Variants in SLC35E4 observed in about 807,000 individuals in gnomAD.
SLC35E4 encodes solute carrier family 35 member E4, also known as solute carrier family 35, member E4.
SLC35E4 carries 15 observed loss-of-function variants against 19.3 expected under a neutral mutation model. The ratio of observed to expected loss-of-function variants is 0.78; its 90% CI spans 0.52 to 1.20. The LOEUF is 1.20. Ranked by LOEUF, SLC35E4 falls within the 50% of genes most tolerant of loss-of-function variation. SLC35E4 has a pLI of 0.00. For missense variants in SLC35E4, 406 were observed against 472.3 expected (o/e 0.86, Z 1.30); for synonymous variants, 219 against 219.9 (o/e 1.00, Z 0.04).
In SLC35E4 at chr22:30,646,899, C is replaced by T. The variant is rs2145582921; in HGVS notation, c.921C>T (p.Leu307=). ...ILSRLLFGSR[L]SALSYVGIAL... ...CCCGGCTGTTGTTTGGCAGCCGCCT[C>T]AGTGCCCTCAGCTACGTGGGCATCG... The change falls in exon 2 of 2, where the codon CTC becomes CTT. Residue 307 remains leucine, a synonymous_variant. Coordinates refer to ENST00000343605, the MANE Select transcript of SLC35E4 (RefSeq NM_001001479.4). 1 of 1,614,252 alleles carries T rather than the reference C, an allele frequency of 6.2e-7. No homozygotes were observed. The highest frequency in any genetic ancestry group is 8.5e-7 in the Non-Finnish European group (1 of 1,180,048).
At chr22:30,666,024 T>C (rs1006152888), downstream of SLC35E4, among the ~76,000 whole-genome samples, 2 of 152,128 alleles carry the variant, frequency 1.3e-5, no homozygotes, top group African/African-American at 4.8e-5. Context: ...TGCCCCAGAC[T>C]CAAATGCATC....
chr22:30,644,721 C>G (rs1230507118), intron 1 of SLC35E4, among the ~76,000 whole-genome samples: 1 of 152,112 alleles, frequency 6.6e-6, no homozygotes, highest in Non-Finnish European at 1.5e-5. Context: ...GGCAAGAGAA[C>G]CAGACCCTGT....
At chr22:30,656,722 G>A (rs2088345345) in intron 2 of SLC35E4, among the ~76,000 whole-genome samples, 1 of 152,164 alleles carries the variant, frequency 6.6e-6, no homozygotes, top group African/African-American at 2.4e-5. Context: ...GGAAAAGGAC[G>A]TGGACCCTCT....
chr22:30,638,533 C>T (rs2087987059), intron 1 of SLC35E4, among the ~76,000 whole-genome samples: 1 of 147,994 alleles, frequency 6.8e-6, no homozygotes, highest in African/African-American at 2.5e-5. Flanking sequence ...AAAATTGGGC[C>T]AGGCGCAGTG....
intron 2 of SLC35E4, among the ~76,000 whole-genome samples, chr22:30,653,440 C>T (rs1359265853): frequency 2.6e-5 from 4 of 151,054 alleles, no homozygotes; most frequent in African/African-American, 9.7e-5. Flanking sequence ...GGTGCGATCT[C>T]GGCTCACTGC....
At chr22:30,650,018 G>A (rs1299293201), downstream of SLC35E4, among the ~76,000 whole-genome samples, 1 of 149,550 alleles carries the variant, frequency 6.7e-6, no homozygotes, top group Admixed American at 6.7e-5. Context: ...GGCACAGAGA[G>A]CGCTGGATTG....
At chr22:30,654,918 C>T (rs757500502) in intron 2 of SLC35E4, 35 of 166,254 alleles carry the variant, frequency 2.1e-4, no homozygotes, top group Non-Finnish European at 4.4e-4. Context: ...TTCCCTGGAA[C>T]CCTGTTTGAA....
chr22:30,637,215 A>C, intron 1 of SLC35E4, 146 bp downstream of exon 1: 1 of 1,243,580 alleles, frequency 8.0e-7, no homozygotes, highest in Non-Finnish European at 1.1e-6. Flanking sequence ...ACTGAGGCTC[A>C]GAGAGGGCCA....
chr22:30,650,067 CA>C, downstream of SLC35E4, among the ~76,000 whole-genome samples: 1 of 149,668 alleles, frequency 6.7e-6, no homozygotes, highest in African/African-American at 2.5e-5. Context: ...TGTGGTGGCT[CA>C]CGCCTGTAAT....
At chr22:30,659,621 C>T (rs557655316) in intron 2 of SLC35E4, among the ~76,000 whole-genome samples, 1 of 152,274 alleles carries the variant, frequency 6.6e-6, no homozygotes, top group African/African-American at 2.4e-5. Context: ...ATCCACCAGC[C>T]TCAACCTCCC....
chr22:30,655,338 TC>T (rs1460003990), intron 2 of SLC35E4, among the ~76,000 whole-genome samples: 1 of 144,806 alleles, frequency 6.9e-6, no homozygotes, highest in East Asian at 2.0e-4. Flanking sequence ...ACGCCTGTAG[TC>T]CCAGCTACTT....
chr22:30,637,088 A>G lies in SLC35E4; in HGVS notation c.619+19A>G. ...CAGCAAAGTAAGTGCCTGGGTGGCCAATTGAGAAGGTGGGGGTCCGGGTGG... is the reference window on the plus strand; with the variant it reads ...CAGCAAAGTAAGTGCCTGGGTGGCCGATTGAGAAGGTGGGGGTCCGGGTGG... On this transcript the variant is annotated intron_variant, in intron 1 of 1. Transcript: ENST00000343605. 1 of 1,543,702 alleles carries G rather than the reference A, an allele frequency of 6.5e-7. No homozygotes were observed. Among genetic ancestry groups the G allele is most frequent in the Non-Finnish European group, 8.8e-7 (1 of 1,141,168 alleles).
intron 1 of SLC35E4, among the ~76,000 whole-genome samples, chr22:30,637,905 G>A (rs544472552): frequency 2.6e-5 from 4 of 152,198 alleles, no homozygotes; most frequent in Non-Finnish European, 5.9e-5. Flanking sequence ...TCTGGGATGA[G>A]CTGGGATTTG....
chr22:30,651,427 ATTTTTTTTTTTTTTT>A (rs1160256288), downstream of SLC35E4, among the ~76,000 whole-genome samples: 1,422 of 21,750 alleles, frequency 0.065, 25 homozygotes, highest in Admixed American at 0.099. Flanking sequence ...ATATATATAT[ATTTTTTTTTTTTTTT>A]TTTTTTTTTT....
At chr22:30,663,261 CT>C in exon 3 of SLC35E4, 13 of 680,476 alleles carry the variant, frequency 1.9e-5, no homozygotes, top group Admixed American at 3.1e-5. Flanking sequence ...TTAGTTTAAT[CT>C]TAAAAAAAAT....
At chr22:30,663,569 G>A (rs144847527), downstream of SLC35E4, 10 of 1,614,222 alleles carry the variant, frequency 6.2e-6, no homozygotes, top group Admixed American at 5.0e-5. Context: ...CCCAAAAGCC[G>A]CTGTTGGGTC....
At chr22:30,651,779 A>G (rs1053488906), downstream of SLC35E4, among the ~76,000 whole-genome samples, 3 of 152,090 alleles carry the variant, frequency 2.0e-5, no homozygotes, top group Non-Finnish European at 4.4e-5. Context: ...ATTTATCTCA[A>G]AATCTTATGG....
At chr22:30,653,623 C>CCT (rs1373796989) in intron 2 of SLC35E4, among the ~76,000 whole-genome samples, 3 of 152,046 alleles carry the variant, frequency 2.0e-5, no homozygotes, top group Admixed American at 2.0e-4. Context: ...CCCGCCCCCC[C>CCT]TCGGCCTCCC....
chr22:30,664,065 C>CT, downstream of SLC35E4: 1 of 1,482,872 alleles, frequency 6.7e-7, no homozygotes, highest in Non-Finnish European at 9.2e-7. Flanking sequence ...TTCTGCTAGG[C>CT]TGTGTCCATG....
Sources: gnomAD v4.1 joint callset for allele counts (sites outside exome capture counted in the v4.1 genomes callset) on GRCh38, gnomAD v4.1.1 for gene constraint, MANE v1.5 for transcripts, NCBI Gene and HGNC (gene_info 2026-07-23, HGNC 2026-07-21) for gene names.